The following PCSK7 variants were observed in gnomAD, a reference collection of about 807,000 sequenced individuals.
PCSK7 encodes proprotein convertase subtilisin/kexin type 7.
PCSK7 carries 38 observed loss-of-function variants against 73.3 expected under a neutral mutation model. The observed-to-expected ratio is 0.52, with a 90% CI of 0.40 to 0.68. The LOEUF is 0.68. Among genes scored for constraint, PCSK7 ranks in the 30% least tolerant of loss-of-function variants. The pLI, the probability that PCSK7 is intolerant of heterozygous loss-of-function variation, is 0.00. For missense variants in PCSK7, 692 were observed against 991.5 expected, an observed-to-expected ratio of 0.70 and a Z score of 4.06; for synonymous variants, 296 against 383.8, an observed-to-expected ratio of 0.77 and a Z score of 2.68.
chr11:117,215,402 A>T (rs1429560078), intron 12 of PCSK7: 1,014 of 69,706 alleles, frequency 0.015, 60 homozygotes, highest in African/African-American at 0.1. Flanking sequence ...ATATATATAT[A>T]TATACTTTTT....
intron 6 of PCSK7, chr11:117,225,236 AT>A: frequency 6.4e-6 from 1 of 157,338 alleles, no homozygotes; most frequent in Non-Finnish European, 1.4e-5. Context: ...TAATTTTTGT[AT>A]TTTTAGTAGA....
chr11:117,219,807 T>C, intron 9 of PCSK7, 49 bp from the exon 10 acceptor site: 1 of 1,438,382 alleles, frequency 7.0e-7, no homozygotes, highest in Non-Finnish European at 9.4e-7. Context: ...GAGTTCAAGC[T>C]GGGGACAGTG....
In PCSK7 at chr11:117,204,851, G is replaced by A. The variant is rs550646517; in HGVS notation, c.*1146C>T. Reference sequence around the variant, plus strand: ...ACTTTTGTTATGGTTTCAGATCTGCGCAGGGGACAGGCAGGCATCTCGGGC... The same window carrying A: ...ACTTTTGTTATGGTTTCAGATCTGCACAGGGGACAGGCAGGCATCTCGGGC... On this transcript the variant is annotated 3_prime_UTR_variant, in exon 17 of 17. Coordinates refer to ENST00000320934, the MANE Select transcript of PCSK7 (RefSeq NM_004716.4). 5.3e-4 allele frequency: 142 copies of A among 266,800 alleles called. No homozygotes were observed. The highest frequency in any genetic ancestry group is 3.9e-3 in the South Asian group (71 of 17,992). 16.5% of individuals were successfully genotyped at this position (266,800 alleles called of 1,614,324 possible).
Position 117,229,741 on chromosome 11 carries a change from A to G in PCSK7, c.104T>C (p.Val35Ala), listed in dbSNP as rs2032570950. The G allele has an allele frequency of 6.2e-7, 1 of 1,613,876 alleles. No homozygotes were observed. The highest frequency in any genetic ancestry group is 8.5e-7 in the Non-Finnish European group (1 of 1,179,836). ...LAGLFLLVPWVMGLAGTGGPD... is the reference protein window; with the variant it reads ...LAGLFLLVPWAMGLAGTGGPD... ...CCCACCTGTCCCTGCCAGGCCCATG[A>G]CCCAGGGAACCAGTAAGAAGAGCCC... The change falls in exon 3 of 17, where the codon GTC becomes GCC. Residue 35 changes from valine to alanine, a missense_variant. Physicochemically the swap from Val to Ala is moderately conservative, Grantham distance 64. Coordinates refer to ENST00000320934, the MANE Select transcript of PCSK7 (RefSeq NM_004716.4).
chr11:117,219,210 G>T, intron 10 of PCSK7, 46 bp from the exon 11 acceptor site: 2 of 1,351,276 alleles, frequency 1.5e-6, no homozygotes, highest in South Asian at 1.2e-5. Flanking sequence ...TGCCAGTGTA[G>T]TCTCAACAAT....
Position 117,229,528 on chromosome 11 carries a change from G to A in PCSK7, c.317C>T (p.Pro106Leu), listed in dbSNP as rs75310602. ...YLFVQPAGHR[P>L]ALEVEAIRQQ... Reference sequence around the variant, plus strand: ...CCGGATGGCCTCCACCTCCAGGGCCGGCCTGTGCCCAGCAGGCTGGACAAA... The same window carrying A: ...CCGGATGGCCTCCACCTCCAGGGCCAGCCTGTGCCCAGCAGGCTGGACAAA... Residue 106 changes from proline to leucine, a missense_variant, in exon 3 of 17, where the codon CCG becomes CTG. This residue lies in a region of PCSK7 where 574 missense variants were observed against 689.8 expected (regional missense o/e 0.83). Transcript: ENST00000320934. 1.1e-5 allele frequency: 17 copies of A among 1,613,092 alleles called. No individual in the cohort carries two copies. The highest frequency in any genetic ancestry group is 2.7e-5 in the African/African-American group (2 of 74,954).
At chr11:117,226,796 C>T in intron 5 of PCSK7, 1 of 197,212 alleles carries the variant, frequency 5.1e-6, no homozygotes. Flanking sequence ...GCTCAGCTCC[C>T]CCAAAAGGAT....
At chr11:117,214,908 G>A (rs1413368661) in intron 12 of PCSK7, 1 of 152,234 alleles carries the variant, frequency 6.6e-6, no homozygotes, top group Admixed American at 6.5e-5. Context: ...GTGCAAGTGG[G>A]TGTTCAGGCA....
rs771300782 is a variant in PCSK7 at position 117,229,651 on chromosome 11, C to T, written c.194G>A (p.Gly65Glu). The T allele has an allele frequency of 2.9e-5, 47 of 1,613,850 alleles. 1 individual carries two copies. The Middle Eastern group carries it at 1.5e-3, about 51-fold the overall frequency. The change falls in exon 3 of 17, where the codon GGG becomes GAG. Residue 65 changes from glycine to glutamate, a missense_variant. This residue lies in a region of PCSK7 where 574 missense variants were observed against 689.8 expected (regional missense o/e 0.83). Coordinates refer to ENST00000320934, the MANE Select transcript of PCSK7 (RefSeq NM_004716.4). ...AVHLESLEGD[G>E]EEETLEQQAD... is the part of the protein sequence containing the mutation. ...CTGCTGCTCCAGAGTCTCTTCCTCC[C>T]CGTCACCTTCCAGGCTTTCCAGGTG...
At position 117,223,280 on chromosome 11, in the gene PCSK7, A is replaced by T. The variant is rs772137933; in HGVS notation, c.1083T>A (p.Pro361=). Residue 361 remains proline (P), a synonymous_variant, in exon 9 of 17, where the codon CCT becomes CCA. Coordinates refer to ENST00000320934, the MANE Select transcript of PCSK7 (RefSeq NM_004716.4). The part of the protein sequence containing the change: ...IGAVDEEGRM[P]FYAEECASML... ...TGGAGGCACATTCTTCTGCATAGAA[A>T]GGCATGCGTCCCTCCTCATCCACAG... 6.2e-7 allele frequency: 1 copy of T among 1,612,792 alleles called. No homozygotes were observed. The highest frequency in any genetic ancestry group is 8.5e-7 in the Non-Finnish European group (1 of 1,178,800).
rs200328848 is a variant in PCSK7, at chr11:117,227,276, A to G, written c.650T>C (p.Met217Thr). ...YDLNSNDPDP[M>T]PHPDVENGNH... ...GCCATTCTCCACATCCGGGTGGGGC[A>G]TGGGGTCAGGGTCATTAGAGTTGAG... is the stretch of plus-strand genomic sequence containing the variant. Residue 217 changes from methionine to threonine, a missense_variant, in exon 5 of 17, where the codon ATG becomes ACG. Coordinates refer to ENST00000320934, the MANE Select transcript of PCSK7 (RefSeq NM_004716.4). 6.4e-5 allele frequency: 103 copies of G among 1,613,640 alleles called. No individual in the cohort carries two copies. Among genetic ancestry groups the G allele is most frequent in the Non-Finnish European group, 8.6e-5 (101 of 1,179,726 alleles).
Position 117,227,172 on chromosome 11 carries a change from C to T in PCSK7, c.754G>A (p.Gly252Arg), listed in dbSNP as rs769907028. The change falls in exon 5 of 17, where the codon GGG becomes AGG. Residue 252 changes from glycine to arginine, a missense_variant. Around this residue, in one of 6 missense-constraint regions of PCSK7, gnomAD observed 574 missense variants for 689.8 expected, o/e 0.83. Coordinates refer to ENST00000320934, the MANE Select transcript of PCSK7 (RefSeq NM_004716.4). The stretch of plus-strand genomic sequence containing the variant: ...CACAAGTTACCTGCGATGCGGCTCC[C>T]GTAGGCCACGCCCACGGCACAGAAG... ...NSFCAVGVAY[G>R]SRIAGIRVLD... 6.8e-6 allele frequency: 11 copies of T among 1,607,230 alleles called. No homozygotes were observed. The highest frequency in any genetic ancestry group is 1.7e-4 in the Middle Eastern group (1 of 6,018).
intron 3 of PCSK7, among the ~76,000 whole-genome samples, chr11:117,228,915 G>A (rs997951143): frequency 2.9e-4 from 44 of 152,116 alleles, no homozygotes; most frequent in Non-Finnish European, 5.1e-4. Context: ...CCACCGCACC[G>A]GGCCAGATGA....
rs997756988 is a variant in PCSK7 at position 117,224,282 on chromosome 11, A to C, written c.916-66T>G. The C allele has an allele frequency of 4.6e-6, 7 of 1,528,138 alleles. No homozygotes were observed. In the African/African-American group the frequency reaches 9.6e-5, roughly 21 times the overall value. The allele number at this position is 1,528,138 out of a possible 1,614,324, so 94.7% of individuals were successfully genotyped here. ...CAGAAAGACCTCCGCCTACCACATCAGTCACCCTCTCCACCCCTTCTAGAA... is the reference window on the plus strand; with the variant it reads ...CAGAAAGACCTCCGCCTACCACATCCGTCACCCTCTCCACCCCTTCTAGAA... On this transcript the variant is annotated intron_variant, in intron 7 of 16. Transcript: ENST00000320934.
Position 117,206,196 on chromosome 11 carries a change from A to G in PCSK7, c.2159T>C (p.Leu720Pro). 6.2e-7 allele frequency: 1 copy of G among 1,614,052 alleles called. No individual in the cohort carries two copies. The highest frequency in any genetic ancestry group is 8.5e-7 in the Non-Finnish European group (1 of 1,179,982). ...SRKAKEEGTE[L>P]ESVPLCSSKD... ...GCTGCTGCAAAGTGGCACTGATTCT[A>G]GCTCTGTCCCTTCCTCCTTGGCTTT... Residue 720 changes from leucine to proline, a missense_variant, in exon 17 of 17, where the codon CTA (leucine) becomes CCA (proline). Coordinates refer to ENST00000320934, the MANE Select transcript of PCSK7 (RefSeq NM_004716.4).
Position 117,205,397 on chromosome 11 carries a change from C to A in PCSK7, c.*600G>T. 1 of 233,520 alleles carries A rather than the reference C, an allele frequency of 4.3e-6. No individual in the cohort carries two copies. Among genetic ancestry groups the A allele is most frequent in the East Asian group, 6.0e-5 (1 of 16,552 alleles). 14.5% of individuals were successfully genotyped at this position (233,520 alleles called of 1,614,324 possible). A position where few individuals can be genotyped will look rare whatever the true frequency, so the allele number is the denominator to read the frequency against. ...CCTGCCGCAGGATTCCCTAGTGAAG[C>A]AGCTCAGGCCTGGGGGAGCCGTGTG... On this transcript the variant is annotated 3_prime_UTR_variant, in exon 17 of 17. Transcript: ENST00000320934.
At chr11:117,221,339 T>C (rs986822060) in intron 9 of PCSK7, 6 of 152,362 alleles carry the variant, frequency 3.9e-5, no homozygotes, top group Middle Eastern at 3.4e-3. Flanking sequence ...AGGGAGCGGG[T>C]TGATTTTTTT....
At chr11:117,220,133 C>G in intron 9 of PCSK7, 1 of 166,480 alleles carries the variant, frequency 6.0e-6, no homozygotes, top group Non-Finnish European at 1.3e-5. Context: ...GGCCTCCTAA[C>G]AGAATATCTG....
intron 6 of PCSK7, 109 bp from the exon 7 acceptor site, chr11:117,224,864 C>T: frequency 5.0e-6 from 4 of 796,136 alleles, no homozygotes; most frequent in Non-Finnish European, 9.0e-6. Flanking sequence ...CTCTTAACTC[C>T]TCCCAAGGGT....
Sources: allele counts gnomAD v4.1 joint callset (sites outside exome capture counted in the v4.1 genomes callset), GRCh38; gene constraint gnomAD v4.1.1; regional missense constraint gnomAD v4.1.1; transcripts MANE v1.5; gene names NCBI Gene and HGNC (gene_info 2026-07-23, HGNC 2026-07-21).